The following TMEM236 variants were observed in gnomAD, a reference collection of about 807,000 sequenced individuals.
TMEM236 encodes family with sequence similarity 23, member A.
In TMEM236, 11 loss-of-function variants were observed where a neutral mutation model predicts 14.7. The ratio of observed to expected loss-of-function variants is 0.75; its 90% CI spans 0.47 to 1.24. The LOEUF (loss-of-function observed/expected upper bound fraction) is 1.24, where lower values mean the gene tolerates loss of function less well. Among genes scored for constraint, TMEM236 ranks in the 50% most tolerant of loss-of-function variants. TMEM236 has a pLI of 0.00. For missense variants in TMEM236, 464 were observed against 427.3 expected (o/e 1.09, Z -0.76); for synonymous variants, 182 against 168.6 (o/e 1.08, Z -0.62).
In TMEM236 at chr10:17,798,517, C is replaced by T. The variant is rs1207017931; in HGVS notation, c.*2013C>T. 1 of 531,398 alleles carries T rather than the reference C, an allele frequency of 1.9e-6. No individual in the cohort carries two copies. The highest frequency in any genetic ancestry group is 3.9e-6 in the Non-Finnish European group (1 of 258,728). The allele number at this position is 531,398 out of a possible 1,614,324, so 32.9% of individuals were successfully genotyped here. ...TCATGCCACTGCACTCCAGACTGGG[C>T]AACAGAGTGACACCCATCTAAAAAA... On this transcript the variant is annotated 3_prime_UTR_variant, in exon 4 of 4. Coordinates refer to ENST00000377495, the MANE Select transcript of TMEM236 (RefSeq NM_001098844.3).
chr10:17,786,944 C>T (rs1024947868), intron 3 of TMEM236, among the ~76,000 whole-genome samples: 2 of 152,072 alleles, frequency 1.3e-5, no homozygotes, highest in South Asian at 2.1e-4. Flanking sequence ...CAGGGGTTTC[C>T]GCTTTTGCAT....
intron 3 of TMEM236, among the ~76,000 whole-genome samples, chr10:17,786,928 G>T (rs1837846212): frequency 6.6e-6 from 1 of 152,162 alleles, no homozygotes; most frequent in African/African-American, 2.4e-5. Context: ...GATCTGATGG[G>T]TTTATCAGGG....
Position 17,798,654 on chromosome 10 carries a change from AGATTTACTCAC to A in TMEM236, c.*2151_*2161del, listed in dbSNP as rs1838052634. Reference sequence around the variant, plus strand: ...AGGATTTTTCTCACACTGTAAAAGAAGATTTACTCACAGTTGTTAAAAGCTTGCCTTCCAGC... The same window carrying A: ...AGGATTTTTCTCACACTGTAAAAGAAAGTTGTTAAAAGCTTGCCTTCCAGC... On this transcript the variant is annotated 3_prime_UTR_variant, in exon 4 of 4. Coordinates refer to ENST00000377495, the MANE Select transcript of TMEM236 (RefSeq NM_001098844.3). 2 of 534,456 alleles carry A rather than the reference AGATTTACTCAC, an allele frequency of 3.7e-6. No individual in the cohort carries two copies. Among genetic ancestry groups the A allele is most frequent in the Non-Finnish European group, 7.7e-6 (2 of 259,936 alleles). 33.1% of individuals were successfully genotyped at this position (534,456 alleles called of 1,614,324 possible).
intron 3 of TMEM236, among the ~76,000 whole-genome samples, chr10:17,779,554 G>C (rs1171581039): frequency 6.6e-6 from 1 of 152,098 alleles, no homozygotes; most frequent in Non-Finnish European, 1.5e-5. Context: ...GGGAATACAG[G>C]AGGGCACCAC....
chr10:17,754,931 T>TATTC (rs1396580272), intron 1 of TMEM236, among the ~76,000 whole-genome samples: 1 of 150,912 alleles, frequency 6.6e-6, no homozygotes, highest in Non-Finnish European at 1.5e-5. Flanking sequence ...ATGTTTTATT[T>TATTC]ATTTATTTAT....
chr10:17,783,079 A>C (rs954916637), intron 3 of TMEM236, among the ~76,000 whole-genome samples: 1 of 152,122 alleles, frequency 6.6e-6, no homozygotes, highest in South Asian at 2.1e-4. Context: ...GAAACCTCTC[A>C]GTGAGGTGAC....
intron 1 of TMEM236, among the ~76,000 whole-genome samples, chr10:17,768,726 C>CGTGTGT (rs1420008913): frequency 0.061 from 7,520 of 122,572 alleles, 267 homozygotes; most frequent in East Asian, 0.17. Context: ...GTATACAACT[C>CGTGTGT]ATGTGTGTGT....
At chr10:17,761,134 G>A (rs1267913526) in intron 1 of TMEM236, among the ~76,000 whole-genome samples, 1 of 152,114 alleles carries the variant, frequency 6.6e-6, no homozygotes, top group Non-Finnish European at 1.5e-5. Context: ...CTCCATGGCT[G>A]TTTCTCTCAT....
chr10:17,786,731 T>C (rs2131762419), intron 3 of TMEM236, among the ~76,000 whole-genome samples: 1 of 152,318 alleles, frequency 6.6e-6, no homozygotes, highest in Non-Finnish European at 1.5e-5. Flanking sequence ...TTCTTGAAAT[T>C]ACACATCTGC....
At chr10:17,754,497 TTG>T (rs1440706723) in intron 1 of TMEM236, among the ~76,000 whole-genome samples, 4 of 151,840 alleles carry the variant, frequency 2.6e-5, no homozygotes, top group Non-Finnish European at 5.9e-5. Context: ...GCTACTTTTT[TTG>T]TGTTTTTTAT....
At chr10:17,766,272 T>C (rs1308996962) in intron 1 of TMEM236, among the ~76,000 whole-genome samples, 4 of 152,190 alleles carry the variant, frequency 2.6e-5, no homozygotes, top group African/African-American at 9.7e-5. Flanking sequence ...GTTCATTACT[T>C]ACAAGTTCTA....
rs1554834807 is a variant in TMEM236 at position 17,771,376 on chromosome 10, A to G, written c.325A>G (p.Thr109Ala). 4.3e-6 allele frequency: 7 copies of G among 1,613,436 alleles called. No individual in the cohort carries two copies. In the East Asian group the frequency reaches 6.7e-5, roughly 15 times the overall value. ...CTGCCTCACCTTTTCCATAGCAGTG[A>G]CTGAGGTATGGAATTTTTGATTTCT... ...LPCLTFSIAV[T>A]EVQKSINGSA... Residue 109 changes from threonine (T) to alanine (A), a missense_variant, in exon 2 of 4, where the codon ACT (threonine) becomes GCT (alanine). Coordinates refer to ENST00000377495, the MANE Select transcript of TMEM236 (RefSeq NM_001098844.3).
intron 1 of TMEM236, among the ~76,000 whole-genome samples, chr10:17,759,434 C>A (rs1418294885): frequency 6.6e-6 from 1 of 152,096 alleles, no homozygotes; most frequent in African/African-American, 2.4e-5. Context: ...GTCAGGAATC[C>A]TGGGCAGGGC....
intron 2 of TMEM236, among the ~76,000 whole-genome samples, chr10:17,775,658 G>A (rs1241362187): frequency 6.6e-6 from 1 of 152,178 alleles, no homozygotes; most frequent in Non-Finnish European, 1.5e-5. Flanking sequence ...CTGTCTTCTT[G>A]GAAGACTCTA....
At chr10:17,770,996 C>T (rs1554834773) in intron 1 of TMEM236, among the ~76,000 whole-genome samples, 1 of 152,118 alleles carries the variant, frequency 6.6e-6, no homozygotes, top group African/African-American at 2.4e-5. Context: ...AGCCTGACCT[C>T]TTGGGCAGGA....
Position 17,784,821 on chromosome 10 carries a change from G to T in TMEM236, c.472+8651G>T, listed in dbSNP as rs964590511. On this transcript the variant is annotated intron_variant, in intron 3 of 3. Transcript: ENST00000377495. Reference sequence around the variant, plus strand: ...TGGATAGAGGGGAGAGGACCCAAAAGAATGGGGAAGCTCTGGGGTAACTGC... The same window carrying T: ...TGGATAGAGGGGAGAGGACCCAAAATAATGGGGAAGCTCTGGGGTAACTGC... 1.3e-3 allele frequency among the ~76,000 whole-genome samples: 192 copies of T among 152,298 alleles called. 1 individual carries two copies. The highest frequency in any genetic ancestry group is 2.0e-3 in the Non-Finnish European group (138 of 68,016).
intron 1 of TMEM236, among the ~76,000 whole-genome samples, chr10:17,770,152 C>T (rs908435895): frequency 2.6e-5 from 4 of 152,034 alleles, no homozygotes; most frequent in African/African-American, 4.8e-5. Flanking sequence ...CATGTTGCTG[C>T]GAAGGACATG....
chr10:17,785,879 A>AG (rs1354238216), intron 3 of TMEM236, among the ~76,000 whole-genome samples: 4 of 152,052 alleles, frequency 2.6e-5, no homozygotes, highest in African/African-American at 9.7e-5. Context: ...GGGTAAGAGA[A>AG]GGGTAGGATT....
chr10:17,752,545 A>G lies in TMEM236; in HGVS notation c.250A>G (p.Lys84Glu). Residue 84 changes from lysine (K) to glutamate (E), a missense_variant, in exon 1 of 4, where the codon AAA (lysine) becomes GAA (glutamate). Coordinates refer to ENST00000377495, the MANE Select transcript of TMEM236 (RefSeq NM_001098844.3). The stretch of plus-strand genomic sequence containing the variant: ...GAAACGTTATATTTACAGAAAAATT[A>G]AAGGATGGTAAGTAAAAGAATTTTC... ...HKKRYIYRKI[K>E]GWRPVLMMCV... 6.2e-7 allele frequency: 1 copy of G among 1,613,696 alleles called. No individual in the cohort carries two copies. Among genetic ancestry groups the G allele is most frequent in the Non-Finnish European group, 8.5e-7 (1 of 1,179,622 alleles).
Sources: gnomAD v4.1 joint callset for allele counts (sites outside exome capture counted in the v4.1 genomes callset) on GRCh38, gnomAD v4.1.1 for gene constraint, MANE v1.5 for transcripts, NCBI Gene and HGNC (gene_info 2026-07-23, HGNC 2026-07-21) for gene names.